MARCHF1: variants seen among roughly 807,000 people sequenced by gnomAD.
MARCHF1 encodes membrane associated ring-CH-type finger 1.
A neutral mutation model predicts 54.2 loss-of-function variants in MARCHF1; 40 were observed. The observed-to-expected ratio is 0.74, with a 90% CI of 0.57 to 0.96. MARCHF1 has a LOEUF of 0.96. Among genes scored for constraint, MARCHF1 ranks in the 40% least tolerant of loss-of-function variants. MARCHF1 has a pLI of 0.00. For synonymous variants in MARCHF1, 236 were observed against 236.3 expected (o/e 1.00, Z 0.01); for missense variants, 586 against 656.5 (o/e 0.89, Z 1.17).
intron 7 of MARCHF1, among the ~76,000 whole-genome samples, chr4:163,611,791 A>G (rs144403704): frequency 5.9e-5 from 9 of 152,068 alleles, no homozygotes; most frequent in African/African-American, 1.4e-4. Flanking sequence ...TGAGTCTTCA[A>G]TTACCCTGCT....
intron 5 of MARCHF1, among the ~76,000 whole-genome samples, chr4:163,637,658 G>C (rs1252562614): frequency 6.7e-6 from 1 of 149,846 alleles, no homozygotes; most frequent in Non-Finnish European, 1.5e-5. Context: ...CTGTAAACTA[G>C]TTCAACCATT....
At chr4:164,236,027 A>C (rs946073596) in intron 1 of MARCHF1, among the ~76,000 whole-genome samples, 1 of 152,096 alleles carries the variant, frequency 6.6e-6, no homozygotes, top group African/African-American at 2.4e-5. Flanking sequence ...GTCTCCTGAT[A>C]CGTAGGAAGC....
chr4:164,045,117 T>C (rs1014412768), intron 2 of MARCHF1, among the ~76,000 whole-genome samples: 1 of 152,068 alleles, frequency 6.6e-6, no homozygotes, highest in African/African-American at 2.4e-5. Context: ...AATTAAGATA[T>C]TTCTAAAATC....
At chr4:163,544,504 G>C (rs1228118773) in intron 9 of MARCHF1, among the ~76,000 whole-genome samples, 3 of 152,062 alleles carry the variant, frequency 2.0e-5, no homozygotes, top group Non-Finnish European at 2.9e-5. Flanking sequence ...CGTGGGTCCT[G>C]GCCTTCCCTT....
intron 1 of MARCHF1, among the ~76,000 whole-genome samples, chr4:164,340,405 T>TTATATACATACATCTATATATATATA (rs58808830): frequency 2.1e-5 from 2 of 95,648 alleles, no homozygotes; most frequent in African/African-American, 7.2e-5. Context: ...AGGCCTTGAT[T>TTATATACATACATCTATATATATATA]TATATATAGA....
chr4:164,065,121 T>G lies in MARCHF1; in HGVS notation c.-248+46467A>C, dbSNP rs930426264. Reference sequence around the variant, plus strand: ...CTGACCTGAGGTTTTCTTTTTTTGTTGTATCTCTGCCTGGTTTTGGTATCA... The same window carrying G: ...CTGACCTGAGGTTTTCTTTTTTTGTGGTATCTCTGCCTGGTTTTGGTATCA... On this transcript the variant is annotated intron_variant, in intron 2 of 9. Transcript: ENST00000514618. Among the ~76,000 whole-genome samples, 4 of 152,198 alleles carry G rather than the reference T, an allele frequency of 2.6e-5. No individual in the cohort carries two copies. In the East Asian group the frequency reaches 7.7e-4, roughly 29 times the overall value.
intron 1 of MARCHF1, among the ~76,000 whole-genome samples, chr4:164,368,639 A>G (rs1730946296): frequency 6.6e-6 from 1 of 152,252 alleles, no homozygotes; most frequent in Non-Finnish European, 1.5e-5. Flanking sequence ...ATATGTGCAC[A>G]TAATGACCAA....
chr4:163,813,238 A>C (rs998389852), intron 4 of MARCHF1, among the ~76,000 whole-genome samples: 4 of 152,216 alleles, frequency 2.6e-5, no homozygotes, highest in African/African-American at 9.7e-5. Flanking sequence ...TCATAGAGGT[A>C]ATGGGTAGAG....
intron 8 of MARCHF1, among the ~76,000 whole-genome samples, chr4:163,557,455 G>A (rs1465735863): frequency 6.6e-6 from 1 of 152,020 alleles, no homozygotes; most frequent in African/African-American, 2.4e-5. Flanking sequence ...AGAATAATTT[G>A]TCTGGGTCTT....
intron 3 of MARCHF1, among the ~76,000 whole-genome samples, chr4:163,986,249 C>CCTTTTTTTTTTTTTTTTT (rs1752864138): frequency 3.5e-5 from 1 of 28,828 alleles, no homozygotes; most frequent in Non-Finnish European, 7.7e-5. Context: ...TTAACCTCTT[C>CCTTTTTTTTTTTTTTTTT]TTTTTTTTTT....
chr4:163,670,396 A>G (rs1337378347), intron 5 of MARCHF1, among the ~76,000 whole-genome samples: 6 of 136,936 alleles, frequency 4.4e-5, no homozygotes, highest in African/African-American at 1.4e-4. Context: ...CTGTCTATCT[A>G]TCTATCTATC....
intron 4 of MARCHF1, among the ~76,000 whole-genome samples, chr4:163,745,354 C>A (rs1746327153): frequency 6.6e-6 from 1 of 151,982 alleles, no homozygotes; most frequent in Non-Finnish European, 1.5e-5. Flanking sequence ...ACCTTGTGAT[C>A]CACCGGCCTC....
Position 164,062,639 on chromosome 4 carries a change from C to T in MARCHF1, c.-248+48949G>A, listed in dbSNP as rs183786394. Among the ~76,000 whole-genome samples the T allele has an allele frequency of 2.9e-3, 441 of 152,236 alleles. 2 individuals carry two copies. The highest frequency in any genetic ancestry group is 0.01 in the African/African-American group (423 of 41,544). On this transcript the variant is annotated intron_variant, in intron 2 of 9. Transcript: ENST00000514618. ...TCCTGGGTTCCAGCTATTCTCCTGCCTCAGCCTCCTGGGTAGCTGGAACTA... is the reference window on the plus strand; with the variant it reads ...TCCTGGGTTCCAGCTATTCTCCTGCTTCAGCCTCCTGGGTAGCTGGAACTA...
intron 2 of MARCHF1, among the ~76,000 whole-genome samples, chr4:164,060,896 ACCT>A (rs1579501185): frequency 6.6e-6 from 1 of 152,182 alleles, no homozygotes; most frequent in East Asian, 1.9e-4. Flanking sequence ...TGTGTAAGTA[ACCT>A]CCTCACACAA....
At chr4:163,793,345 G>T (rs1479773773) in intron 4 of MARCHF1, among the ~76,000 whole-genome samples, 1 of 152,068 alleles carries the variant, frequency 6.6e-6, no homozygotes. Flanking sequence ...CACTTCTTGG[G>T]AACTGGATCT....
intron 4 of MARCHF1, among the ~76,000 whole-genome samples, chr4:163,787,411 A>G (rs1031675106): frequency 1.8e-4 from 27 of 151,938 alleles, no homozygotes; most frequent in African/African-American, 6.5e-4. Flanking sequence ...AAATTGGCAA[A>G]GGATCTGAAT....
intron 3 of MARCHF1, among the ~76,000 whole-genome samples, chr4:163,867,426 A>G (rs1365970156): frequency 2.0e-5 from 3 of 151,918 alleles, no homozygotes; most frequent in African/African-American, 7.2e-5. Flanking sequence ...ATTTCCTTCC[A>G]TATATGAAGT....
chr4:163,914,475 A>G (rs1471041213), intron 3 of MARCHF1, among the ~76,000 whole-genome samples: 1 of 152,134 alleles, frequency 6.6e-6, no homozygotes, highest in East Asian at 1.9e-4. Context: ...CAAGTATAAC[A>G]TATATGAGAA....
chr4:163,575,264 T>C (rs146942081), intron 8 of MARCHF1, among the ~76,000 whole-genome samples: 272 of 152,178 alleles, frequency 1.8e-3, no homozygotes, highest in African/African-American at 6.1e-3. Flanking sequence ...CTGGACTTCA[T>C]TGAAAAGCTT....
Sources: allele counts gnomAD v4.1 joint callset (sites outside exome capture counted in the v4.1 genomes callset), GRCh38; gene constraint gnomAD v4.1.1; transcripts MANE v1.5; gene names NCBI Gene and HGNC (gene_info 2026-07-23, HGNC 2026-07-21).